The following INO80E variants were observed in gnomAD, a reference collection of about 807,000 sequenced individuals.
INO80E encodes INO80 complex subunit E, also known as coiled-coil domain containing 95.
In INO80E, 20 loss-of-function variants were observed where a neutral mutation model predicts 27.3. That is an observed-to-expected ratio of 0.73 (90% CI 0.51 to 1.06). The LOEUF (loss-of-function observed/expected upper bound fraction) is 1.06, where lower values mean the gene tolerates loss of function less well. Ranked by LOEUF, INO80E falls within the 50% of genes least tolerant of loss-of-function variation. The pLI, the probability that INO80E is intolerant of heterozygous loss-of-function variation, is 0.00. For synonymous variants in INO80E, 167 were observed against 145.9 expected, an observed-to-expected ratio of 1.14 and a Z score of -1.04; for missense variants, 357 against 322.8, an observed-to-expected ratio of 1.11 and a Z score of -0.81.
intron 3 of INO80E, among the ~76,000 whole-genome samples, chr16:29,998,251 A>G (rs145442310): frequency 1.3e-5 from 2 of 151,074 alleles, no homozygotes; most frequent in East Asian, 2.0e-4. Context: ...AGATTGCACT[A>G]CTGCAGTCCA....
chr16:30,001,302 G>A (rs539502455), intron 5 of INO80E, 112 bp from the exon 6 acceptor site: 25 of 1,499,232 alleles, frequency 1.7e-5, no homozygotes, highest in African/African-American at 5.6e-5. Flanking sequence ...CCCGGGAGCC[G>A]CACTCATCAC....
intron 6 of INO80E, chr16:30,001,734 A>T: frequency 1.9e-6 from 1 of 534,620 alleles, no homozygotes. Context: ...GCCTTGGAGG[A>T]CCCGGTGTGC....
chr16:30,001,383 C>T (rs1430979173), intron 5 of INO80E, 31 bp from the exon 6 acceptor site: 1 of 1,558,900 alleles, frequency 6.4e-7, no homozygotes. Flanking sequence ...TCCATTCCGC[C>T]TCCCATCTCC....
At chr16:30,000,581 T>C (rs1443324315) in intron 3 of INO80E, among the ~76,000 whole-genome samples, 177 bp from the exon 4 acceptor site, 1 of 152,172 alleles carries the variant, frequency 6.6e-6, no homozygotes, top group Non-Finnish European at 1.5e-5. Context: ...TCCAGGCTGC[T>C]CTTGAACTCC....
rs1054895607 is a variant in INO80E, at chr16:29,996,261, T to C, written c.-50T>C. On this transcript the variant is annotated 5_prime_UTR_variant, in exon 1 of 7. Transcript: ENST00000563197. ...GAGGCGGGAGCGGCACGGCAGCCAC[T>C]GCTTGGGGTAGCGGGAGGGCAGACT... The C allele has an allele frequency of 2.0e-6, 3 of 1,535,734 alleles. No homozygotes were observed. Among genetic ancestry groups the C allele is most frequent in the Admixed American group, 3.9e-5 (2 of 51,396 alleles).
chr16:30,005,218 CA>C lies in INO80E; in HGVS notation c.514-2del, dbSNP rs1439757516. On this transcript the variant is annotated splice_acceptor_variant, in intron 6 of 6. Transcript: ENST00000563197. LOFTEE classifies it high-confidence loss of function. ...CCCCCTGTGTTTCTTCCCCCTGCTG[CA>C]GATGGCGGTGGGACCCCCCGACTGC... 1.4e-6 allele frequency: 2 copies of C among 1,440,996 alleles called. No individual in the cohort carries two copies. The highest frequency in any genetic ancestry group is 1.8e-6 in the Non-Finnish European group (2 of 1,101,526). The allele number at this position is 1,440,996 out of a possible 1,614,324, so 89.3% of individuals were successfully genotyped here.
At position 29,996,574 on chromosome 16, in the gene INO80E, A is replaced by T; in HGVS notation, c.109A>T (p.Arg37Trp). 6.4e-7 allele frequency: 1 copy of T among 1,573,392 alleles called. No individual in the cohort carries two copies. The highest frequency in any genetic ancestry group is 1.9e-5 in the Admixed American group (1 of 53,288). Residue 37 changes from arginine to tryptophan, a missense_variant, in exon 2 of 7, where the codon AGG becomes TGG. By Grantham distance (101) the Arg-to-Trp change is moderately radical (BLOSUM62 -3). Transcript: ENST00000563197. ...GCACGAGTGCTTCCAGGAGGAGCTG[A>T]GGAAAGCGCAAAGGAAATTACTGAA... ...YEHECFQEEL[R>W]KAQRKLLKVS...
At chr16:29,997,010 A>C in intron 3 of INO80E, 150 bp downstream of exon 3, 1 of 733,668 alleles carries the variant, frequency 1.4e-6, no homozygotes, top group South Asian at 1.6e-5. Context: ...CCGTTCTTTC[A>C]TTCAGGCACT....
At chr16:30,004,013 GGTAA>G (rs757281441) in intron 6 of INO80E, 2 of 152,366 alleles carry the variant, frequency 1.3e-5, no homozygotes, top group African/African-American at 4.8e-5. Flanking sequence ...CGGAGATGAG[GGTAA>G]GTGAGGGCTC....
intron 6 of INO80E, chr16:30,001,914 C>G (rs2070370982): frequency 5.0e-6 from 1 of 198,678 alleles, no homozygotes; most frequent in African/African-American, 2.3e-5. Flanking sequence ...GAGCAGGTCT[C>G]TGCTACCCTC....
chr16:29,997,969 C>G (rs1402904369), intron 3 of INO80E, among the ~76,000 whole-genome samples: 1 of 151,882 alleles, frequency 6.6e-6, no homozygotes, highest in Non-Finnish European at 1.5e-5. Flanking sequence ...GTGGTCCCAG[C>G]TACTTGGGAG....
intron 6 of INO80E, 108 bp downstream of exon 6, chr16:30,001,638 G>A: frequency 9.3e-7 from 1 of 1,069,780 alleles, no homozygotes; most frequent in Non-Finnish European, 1.4e-6. Context: ...GTTAATTTGG[G>A]GACCCAGTCA....
At chr16:29,997,436 T>C (rs970087226) in intron 3 of INO80E, among the ~76,000 whole-genome samples, 1 of 152,016 alleles carries the variant, frequency 6.6e-6, no homozygotes, top group Non-Finnish European at 1.5e-5. Context: ...TTTAGTTTTT[T>C]TTTTTTCCAA....
chr16:30,000,782 A>C lies in INO80E; in HGVS notation c.230A>C (p.Asp77Ala). ...SSDSDATASS[D>A]NSETEGTPKL... ...GACTCAGATGCCACTGCATCATCAGATAACAGCGAGACGGAGGGGACACCC... is the reference window on the plus strand; with the variant it reads ...GACTCAGATGCCACTGCATCATCAGCTAACAGCGAGACGGAGGGGACACCC... The change falls in exon 4 of 7, where the codon GAT (aspartate) becomes GCT (alanine). Residue 77 changes from aspartate (D) to alanine (A), a missense_variant. Transcript: ENST00000563197. 1 of 1,614,156 alleles carries C rather than the reference A, an allele frequency of 6.2e-7. No homozygotes were observed. The highest frequency in any genetic ancestry group is 8.5e-7 in the Non-Finnish European group (1 of 1,180,002).
intron 3 of INO80E, 53 bp from the exon 4 acceptor site, chr16:30,000,705 C>T: frequency 2.7e-6 from 4 of 1,471,684 alleles, no homozygotes; most frequent in African/African-American, 2.8e-5. Flanking sequence ...TTATACCTTT[C>T]TGGGATGGAC....
Position 30,005,336 on chromosome 16 carries a change from C to CAAA in INO80E, c.629_630insAAA (p.Pro210_Pro211insAsn). The CAAA allele has an allele frequency of 7.5e-7, 1 of 1,330,212 alleles. No homozygotes were observed. The highest frequency in any genetic ancestry group is 9.9e-7 in the Non-Finnish European group (1 of 1,009,076). The allele number at this position is 1,330,212 out of a possible 1,614,324, so 82.4% of individuals were successfully genotyped here. A position where few individuals can be genotyped will look rare whatever the true frequency, so the allele number is the denominator to read the frequency against. ...CCCCTCCCACCCCCTAAGATGCCCC[C>CAAA]CCCCACGATCCTGAGCACGGTCCCT... On this transcript the variant is annotated inframe_insertion, in exon 7 of 7. Coordinates refer to ENST00000563197, the MANE Select transcript of INO80E (RefSeq NM_173618.3).
chr16:30,001,050 G>T lies in INO80E; in HGVS notation c.396+10G>T, dbSNP rs1381725729. On this transcript the variant is annotated intron_variant, in intron 5 of 6. Coordinates refer to ENST00000563197, the MANE Select transcript of INO80E (RefSeq NM_173618.3). Reference sequence around the variant, plus strand: ...CCCATACCTGAGCTCGGTGAGTTGGGGTCAGGGATGGGAAGTGCTTGGGAG... The same window carrying T: ...CCCATACCTGAGCTCGGTGAGTTGGTGTCAGGGATGGGAAGTGCTTGGGAG... 3 of 1,536,888 alleles carry T rather than the reference G, an allele frequency of 2.0e-6. No homozygotes were observed. Among genetic ancestry groups the T allele is most frequent in the Non-Finnish European group, 2.6e-6 (3 of 1,140,356 alleles).
At chr16:30,000,666 TC>T in intron 3 of INO80E, 91 bp from the exon 4 acceptor site, 1 of 1,040,338 alleles carries the variant, frequency 9.6e-7, no homozygotes, top group Non-Finnish European at 1.5e-6. Flanking sequence ...CACCTGGTCT[TC>T]CAGTGCCCTT....
rs577442220 is a variant in INO80E at position 29,996,997 on chromosome 16, C to G, written c.205+137C>G. ...AAGCCTAGTTGCTTGCCTTCCACCT[C>G]CACCGTTCTTTCATTCAGGCACTTA... On this transcript the variant is annotated intron_variant, in intron 3 of 6. Coordinates refer to ENST00000563197, the MANE Select transcript of INO80E (RefSeq NM_173618.3). 9.5e-5 allele frequency: 75 copies of G among 785,788 alleles called. 1 individual carries two copies. In the South Asian group the frequency reaches 1.0e-3, roughly 11 times the overall value. 48.7% of individuals were successfully genotyped at this position (785,788 alleles called of 1,614,324 possible). A position where few individuals can be genotyped will look rare whatever the true frequency, so the allele number is the denominator to read the frequency against.
Sources: allele counts gnomAD v4.1 joint callset (sites outside exome capture counted in the v4.1 genomes callset), GRCh38; gene constraint gnomAD v4.1.1; transcripts MANE v1.5; gene names NCBI Gene and HGNC (gene_info 2026-07-23, HGNC 2026-07-21).